The following PMEPA1 variants were observed in gnomAD, a reference collection of about 807,000 sequenced individuals.
The protein encoded by PMEPA1 is protein TMEPAI.
Under a neutral mutation model 23.0 loss-of-function variants are expected in PMEPA1, and 11 were observed. That is an observed-to-expected ratio of 0.48 (90% confidence interval 0.30 to 0.79). The LOEUF is 0.79. PMEPA1 is among the 30% of genes least tolerant of loss of function. The pLI, the probability that PMEPA1 is intolerant of heterozygous loss-of-function variation, is 0.06. For missense variants in PMEPA1, 377 were observed against 390.9 expected (o/e 0.96, Z 0.30); for synonymous variants, 204 against 166.4 (o/e 1.23, Z -1.74).
intron 1 of PMEPA1, among the ~76,000 whole-genome samples, chr20:57,663,460 G>A (rs1294254616): frequency 6.6e-6 from 1 of 152,154 alleles, no homozygotes; most frequent in Non-Finnish European, 1.5e-5. Context: ...CAGGATGTGC[G>A]GGGGACATGT....
intron 2 of PMEPA1, 66 bp from the exon 3 acceptor site, chr20:57,653,152 C>T: frequency 7.6e-7 from 1 of 1,309,408 alleles, no homozygotes; most frequent in Non-Finnish European, 1.1e-6. Flanking sequence ...AAGGCTCAAC[C>T]CAGATTCGAC....
chr20:57,659,439 A>C lies in PMEPA1; in HGVS notation c.264+104T>G. On this transcript the variant is annotated intron_variant, in intron 2 of 3. Coordinates refer to ENST00000341744, the MANE Select transcript of PMEPA1 (RefSeq NM_020182.5). Reference sequence around the variant, plus strand: ...CCCCAGCCCCTGTCTTCCTGCCCTGAATCTGTTTCCTGCAAACGCTGCCAT... The same window carrying C: ...CCCCAGCCCCTGTCTTCCTGCCCTGCATCTGTTTCCTGCAAACGCTGCCAT... 12 of 1,276,738 alleles carry C rather than the reference A, an allele frequency of 9.4e-6. No homozygotes were observed. The South Asian group carries it at 1.4e-4, about 15-fold the overall frequency. The allele number at this position is 1,276,738 out of a possible 1,614,324, so 79.1% of individuals were successfully genotyped here. A position where few individuals can be genotyped will look rare whatever the true frequency, so the allele number is the denominator to read the frequency against.
chr20:57,682,323 T>A lies in PMEPA1; in HGVS notation c.110-22626A>T, dbSNP rs2071729825. Among the ~76,000 whole-genome samples, 1 of 152,168 alleles carries A rather than the reference T, an allele frequency of 6.6e-6. No individual in the cohort carries two copies. Reference sequence around the variant, plus strand: ...GCGGGGGACCAGCTCCACCAGCGGTTCCCTGTGTGACCTTGGGCAAGCTGT... The same window carrying A: ...GCGGGGGACCAGCTCCACCAGCGGTACCCTGTGTGACCTTGGGCAAGCTGT... On this transcript the variant is annotated intron_variant, in intron 1 of 3. Coordinates refer to ENST00000341744, the MANE Select transcript of PMEPA1 (RefSeq NM_020182.5). This position sits in a 1 kb window ranked among gnomAD's most constrained non-coding sequence, Gnocchi z 4.4.
At chr20:57,658,808 C>T (rs980048216) in intron 2 of PMEPA1, among the ~76,000 whole-genome samples, 32 of 152,186 alleles carry the variant, frequency 2.1e-4, no homozygotes, top group African/African-American at 7.2e-4. Context: ...AGCACGGGCA[C>T]GAGGGCAGGG....
rs753679860 is a variant in PMEPA1 at position 57,659,668 on chromosome 20, T to C, written c.139A>G (p.Ile47Val). The C allele has an allele frequency of 9.4e-6, 15 of 1,596,846 alleles. No individual in the cohort carries two copies. Among genetic ancestry groups the C allele is most frequent in the Non-Finnish European group, 1.0e-5 (12 of 1,171,666 alleles). ...ACCATCACCATCATCACCACCACGA[T>C]GATGATGATCTGAACAAACTCCAGC... ...TELEFVQIII[I>V]VVVMMVMVVV... is the part of the protein sequence containing the mutation. Residue 47 changes from isoleucine (I) to valine (V), a missense_variant, in exon 2 of 4, where the codon ATC becomes GTC. Physicochemically the swap from Ile to Val is conservative, Grantham distance 29. Around this residue, in one of 3 missense-constraint regions of PMEPA1, gnomAD observed 198 missense variants for 196.3 expected, o/e 1.01. Coordinates refer to ENST00000341744, the MANE Select transcript of PMEPA1 (RefSeq NM_020182.5).
intron 1 of PMEPA1, among the ~76,000 whole-genome samples, chr20:57,660,019 G>T (rs1455436442): frequency 6.6e-6 from 1 of 152,172 alleles, no homozygotes; most frequent in Non-Finnish European, 1.5e-5. Context: ...CCTGCTCTCT[G>T]CTCTCAGAGC....
chr20:57,696,642 G>C (rs1027664577), intron 1 of PMEPA1, among the ~76,000 whole-genome samples: 5 of 152,204 alleles, frequency 3.3e-5, no homozygotes, highest in South Asian at 2.1e-4. Context: ...AGGAGACAAA[G>C]CTGTTGGGTG....
intron 1 of PMEPA1, among the ~76,000 whole-genome samples, chr20:57,701,640 G>A (rs1211698456): frequency 6.6e-6 from 1 of 152,126 alleles, no homozygotes; most frequent in Non-Finnish European, 1.5e-5. Flanking sequence ...ATCACATTTT[G>A]TACCAGAGGT....
At chr20:57,706,417 C>T (rs2072089279) in intron 1 of PMEPA1, among the ~76,000 whole-genome samples, 1 of 152,224 alleles carries the variant, frequency 6.6e-6, no homozygotes, top group African/African-American at 2.4e-5. Context: ...ATCTGCAAGG[C>T]TGTCACTCGT....
At chr20:57,696,798 C>T (rs944514133) in intron 1 of PMEPA1, among the ~76,000 whole-genome samples, 4 of 152,200 alleles carry the variant, frequency 2.6e-5, no homozygotes, top group Non-Finnish European at 5.9e-5. Flanking sequence ...GGGAATGCCG[C>T]GAAGCGCTCA....
chr20:57,706,634 G>C (rs2072093727), intron 1 of PMEPA1, among the ~76,000 whole-genome samples: 1 of 152,118 alleles, frequency 6.6e-6, no homozygotes, highest in Non-Finnish European at 1.5e-5. Flanking sequence ...GTACAAAGGG[G>C]CTCTGACAAT....
chr20:57,705,988 AG>A (rs2072080043), intron 1 of PMEPA1, among the ~76,000 whole-genome samples: 1 of 152,234 alleles, frequency 6.6e-6, no homozygotes, highest in African/African-American at 2.4e-5. Context: ...AGCATGTGCC[AG>A]GCAAGCCCAG....
chr20:57,653,404 T>C (rs2071282059), intron 2 of PMEPA1, among the ~76,000 whole-genome samples: 1 of 152,146 alleles, frequency 6.6e-6, no homozygotes, highest in Non-Finnish European at 1.5e-5. Context: ...CCTCAGTGGC[T>C]TCTCACCAGG....
upstream of PMEPA1, chr20:57,711,220 A>G (rs2072176819): frequency 6.6e-6 from 1 of 152,238 alleles, no homozygotes; most frequent in Non-Finnish European, 1.5e-5. Context: ...GTTCAGAGAA[A>G]AAAAAAGCTT....
intron 1 of PMEPA1, among the ~76,000 whole-genome samples, chr20:57,685,382 C>T (rs1363306079): frequency 6.6e-6 from 1 of 152,180 alleles, no homozygotes; most frequent in African/African-American, 2.4e-5. Context: ...ATGAATTCAA[C>T]CTTGTCAGAT....
chr20:57,685,064 G>T (rs995757270), intron 1 of PMEPA1, among the ~76,000 whole-genome samples: 1 of 151,930 alleles, frequency 6.6e-6, no homozygotes, highest in Non-Finnish European at 1.5e-5. Context: ...ACGGTTGGAG[G>T]GGGTGCCGTC....
chr20:57,702,537 T>C (rs1170166698), intron 1 of PMEPA1, among the ~76,000 whole-genome samples: 2 of 152,240 alleles, frequency 1.3e-5, no homozygotes, highest in African/African-American at 4.8e-5. Flanking sequence ...AATATGGGCT[T>C]GCAGTCTTGG....
chr20:57,653,610 G>A (rs2071285016), intron 2 of PMEPA1, among the ~76,000 whole-genome samples: 1 of 152,218 alleles, frequency 6.6e-6, no homozygotes, highest in African/African-American at 2.4e-5. Context: ...ACCACCCGGA[G>A]CCCACGTGGC....
Position 57,709,985 on chromosome 20 carries a change from A to T in PMEPA1, c.-403T>A, listed in dbSNP as rs2072150237. The T allele has an allele frequency of 1.0e-6, 1 of 990,888 alleles. No individual in the cohort carries two copies. Among genetic ancestry groups the T allele is most frequent in the African/African-American group, 1.8e-5 (1 of 57,000 alleles). The allele number at this position is 990,888 out of a possible 1,614,324, so 61.4% of individuals were successfully genotyped here. The stretch of plus-strand genomic sequence containing the variant: ...CAAGGAGATCGGGTTTCGCTCCGAG[A>T]CCGCGGTCGGAGGCAGGCAGACGGT... On this transcript the variant is annotated 5_prime_UTR_variant, in exon 1 of 4. Transcript: ENST00000341744.
Sources: gnomAD v4.1 joint callset for allele counts (sites outside exome capture counted in the v4.1 genomes callset) on GRCh38, gnomAD v4.1.1 for gene constraint, gnomAD v4.1.1 regional missense constraint, Gnocchi (gnomAD v3.1) non-coding constraint, MANE v1.5 for transcripts, NCBI Gene and HGNC (gene_info 2026-07-23, HGNC 2026-07-21) for gene names.